RNF11: variants seen among roughly 807,000 people sequenced by gnomAD.
RNF11 encodes the protein ring finger protein 11.
A neutral mutation model predicts 15.8 loss-of-function variants in RNF11; 4 were observed. The observed-to-expected ratio is 0.25, with a 90% CI of 0.12 to 0.58. The LOEUF is 0.58. Ranked by LOEUF, RNF11 falls within the 20% of genes least tolerant of loss-of-function variation. The pLI is 0.91. For synonymous variants in RNF11, 68 were observed against 72.3 expected (o/e 0.94, Z 0.30); for missense variants, 139 against 194.4 (o/e 0.71, Z 1.70).
chr1:51,241,130 A>C (rs921003173), intron 1 of RNF11, among the ~76,000 whole-genome samples: 1 of 151,466 alleles, frequency 6.6e-6, no homozygotes, highest in Non-Finnish European at 1.5e-5. Flanking sequence ...ATATTTTTTA[A>C]ATTTAAAAAA....
chr1:51,269,036 A>G (rs1005119696), intron 1 of RNF11, among the ~76,000 whole-genome samples: 63 of 152,368 alleles, frequency 4.1e-4, no homozygotes, highest in African/African-American at 1.5e-3. Context: ...ATTCAAAGAC[A>G]TTAAGAGACT....
intron 1 of RNF11, among the ~76,000 whole-genome samples, chr1:51,254,238 G>A (rs1030400893): frequency 6.6e-6 from 1 of 152,024 alleles, no homozygotes; most frequent in Non-Finnish European, 1.5e-5. Context: ...ATAAAACATG[G>A]TCTCCTTGAT....
intron 1 of RNF11, among the ~76,000 whole-genome samples, chr1:51,246,434 G>A (rs1231807773): frequency 6.6e-6 from 1 of 152,120 alleles, no homozygotes; most frequent in Admixed American, 6.6e-5. Context: ...AATTAGTCAG[G>A]TGTGTTGGCA....
chr1:51,268,089 G>A (rs1646963048), intron 1 of RNF11, among the ~76,000 whole-genome samples: 1 of 152,178 alleles, frequency 6.6e-6, no homozygotes, highest in South Asian at 2.1e-4. Flanking sequence ...CTCACTCAGT[G>A]TCTGTTAGCC....
intron 1 of RNF11, among the ~76,000 whole-genome samples, chr1:51,239,801 G>A (rs1160998123): frequency 6.6e-6 from 1 of 152,190 alleles, no homozygotes; most frequent in African/African-American, 2.4e-5. Flanking sequence ...AAAGGAACAT[G>A]TTCTCTTGAG....
At chr1:51,253,252 CAG>C (rs1182213310) in intron 1 of RNF11, among the ~76,000 whole-genome samples, 1 of 152,016 alleles carries the variant, frequency 6.6e-6, no homozygotes, top group East Asian at 1.9e-4. Context: ...AGGCCGGGCA[CAG>C]GGGTTCAAGC....
intron 1 of RNF11, among the ~76,000 whole-genome samples, chr1:51,256,575 A>G (rs1216511393): frequency 1.3e-5 from 2 of 152,192 alleles, no homozygotes; most frequent in Non-Finnish European, 2.9e-5. Flanking sequence ...TTGGGTAAAT[A>G]CCAAAGGGTG....
intron 1 of RNF11, among the ~76,000 whole-genome samples, chr1:51,265,465 CCTTTTCTT>C (rs1401433898): frequency 3.9e-5 from 6 of 152,166 alleles, no homozygotes; most frequent in African/African-American, 1.4e-4. Context: ...TTCCTTTTCT[CCTTTTCTT>C]AAAGGCAGAT....
At chr1:51,269,887 T>G in intron 1 of RNF11, 69 bp from the exon 2 acceptor site, 1 of 1,404,652 alleles carries the variant, frequency 7.1e-7, no homozygotes, top group East Asian at 2.5e-5. Context: ...CTTCTATCTC[T>G]GACCAAAAAA....
intron 1 of RNF11, among the ~76,000 whole-genome samples, chr1:51,242,021 A>G (rs1325770969): frequency 1.3e-5 from 2 of 152,234 alleles, no homozygotes; most frequent in Admixed American, 6.5e-5. Context: ...GGTGTCTCTC[A>G]ATTTTGCAGT....
intron 1 of RNF11, among the ~76,000 whole-genome samples, chr1:51,265,640 TC>T (rs1646951576): frequency 6.6e-6 from 1 of 152,210 alleles, no homozygotes; most frequent in Admixed American, 6.5e-5. Context: ...CCCATGTGTC[TC>T]CTAATCAACA....
chr1:51,269,541 T>G (rs562174358), intron 1 of RNF11, among the ~76,000 whole-genome samples: 2 of 152,256 alleles, frequency 1.3e-5, no homozygotes, highest in African/African-American at 2.4e-5. Context: ...AATTAGTGAC[T>G]GTAGGCAAGC....
intron 1 of RNF11, among the ~76,000 whole-genome samples, chr1:51,246,843 G>T (rs1034927175): frequency 2.6e-5 from 4 of 151,886 alleles, no homozygotes; most frequent in Non-Finnish European, 4.4e-5. Context: ...AATTGGAGCT[G>T]GGCTTGTGCC....
At chr1:51,267,212 G>A (rs186489155) in intron 1 of RNF11, among the ~76,000 whole-genome samples, 3 of 152,266 alleles carry the variant, frequency 2.0e-5, no homozygotes, top group Non-Finnish European at 4.4e-5. Flanking sequence ...TTTGTCATTA[G>A]GTCCATATTT....
chr1:51,238,998 A>G (rs1326008283), intron 1 of RNF11, among the ~76,000 whole-genome samples: 6 of 152,066 alleles, frequency 3.9e-5, no homozygotes, highest in African/African-American at 1.4e-4. Flanking sequence ...CCAAAGTGCT[A>G]GGATTACAGG....
intron 1 of RNF11, among the ~76,000 whole-genome samples, chr1:51,260,077 G>T (rs1371901707): frequency 2.6e-5 from 4 of 152,144 alleles, no homozygotes; most frequent in Non-Finnish European, 5.9e-5. Context: ...TAGTTAATTG[G>T]CTGAGGCCCA....
At chr1:51,251,129 A>G in intron 1 of RNF11, 2 of 1,554,030 alleles carry the variant, frequency 1.3e-6, no homozygotes, top group African/African-American at 1.3e-5. Context: ...GCTGGCCAGC[A>G]CGGGTCTGCG....
At chr1:51,252,111 AAAAG>A (rs1389983270) in intron 1 of RNF11, among the ~76,000 whole-genome samples, 2 of 151,754 alleles carry the variant, frequency 1.3e-5, no homozygotes, top group African/African-American at 4.8e-5. Flanking sequence ...AAGAAACAGA[AAAAG>A]AAAATACAGT....
At chr1:51,248,200 T>A (rs939884042) in intron 1 of RNF11, among the ~76,000 whole-genome samples, 2 of 148,558 alleles carry the variant, frequency 1.3e-5, no homozygotes, top group African/African-American at 5.0e-5. Flanking sequence ...CTGTATTTTC[T>A]TTTTCTTTTT....
Sources: gnomAD v4.1 joint callset for allele counts (sites outside exome capture counted in the v4.1 genomes callset) on GRCh38, gnomAD v4.1.1 for gene constraint, MANE v1.5 for transcripts, NCBI Gene and HGNC (gene_info 2026-07-23, HGNC 2026-07-21) for gene names.